Variants in TJP1 observed in about 807,000 individuals in gnomAD.
The protein encoded by TJP1 is tight junction protein 1.
TJP1 carries 43 observed loss-of-function variants against 194.2 expected under a neutral mutation model. That is an observed-to-expected ratio of 0.22 (90% CI 0.17 to 0.29). TJP1 has a LOEUF of 0.29. Among genes scored for constraint, TJP1 ranks in the 10% least tolerant of loss-of-function variants. The probability of loss-of-function intolerance (pLI) is 1.00; values close to 1 mark genes in which losing one functional copy is unlikely to be tolerated. For synonymous variants in TJP1, 801 were observed against 779.0 expected (o/e 1.03, Z -0.47); for missense variants, 1,971 against 2,185.7 (o/e 0.90, Z 1.96).
intron 2 of TJP1, among the ~76,000 whole-genome samples, chr15:29,943,778 G>A (rs929631078): frequency 2.9e-5 from 4 of 139,614 alleles, no homozygotes; most frequent in South Asian, 2.5e-4. Context: ...GTGAAACCCC[G>A]TCTCTACTAA....
chr15:29,833,873 A>ATTTT (rs2050918855), intron 2 of TJP1, among the ~76,000 whole-genome samples: 5 of 18,134 alleles, frequency 2.8e-4, no homozygotes, highest in Non-Finnish European at 4.4e-4. Context: ...ATATATATAT[A>ATTTT]TATATATATT....
chr15:29,817,510 C>G (rs1162678905), intron 1 of TJP1, among the ~76,000 whole-genome samples: 4 of 152,134 alleles, frequency 2.6e-5, no homozygotes, highest in Non-Finnish European at 5.9e-5. Flanking sequence ...ATAAATCATT[C>G]TCCTATAAAG....
intron 18 of TJP1, among the ~76,000 whole-genome samples, chr15:29,722,804 A>C (rs2043014722): frequency 6.6e-6 from 1 of 152,238 alleles, no homozygotes; most frequent in Non-Finnish European, 1.5e-5. Flanking sequence ...ACAGGGGCAG[A>C]GCTGTCCAAG....
intron 25 of TJP1, among the ~76,000 whole-genome samples, chr15:29,708,265 C>A (rs890341134): frequency 2.0e-5 from 3 of 151,756 alleles, no homozygotes; most frequent in Admixed American, 6.6e-5. Context: ...AGGCTCACCT[C>A]ACTCTAGCTG....
At chr15:29,876,628 T>C (rs1410655981) in intron 2 of TJP1, among the ~76,000 whole-genome samples, 2 of 152,228 alleles carry the variant, frequency 1.3e-5, no homozygotes, top group Non-Finnish European at 2.9e-5. Flanking sequence ...CAATGTGGCC[T>C]AGGGAAGTCA....
chr15:29,912,607 G>T (rs997487179), intron 2 of TJP1, among the ~76,000 whole-genome samples: 3 of 146,120 alleles, frequency 2.1e-5, no homozygotes, highest in Non-Finnish European at 4.5e-5. Flanking sequence ...TCAGGAGGCT[G>T]AGGCAGAAGT....
intron 1 of TJP1, among the ~76,000 whole-genome samples, chr15:29,819,788 C>T (rs1489065386): frequency 6.6e-6 from 1 of 152,174 alleles, no homozygotes; most frequent in East Asian, 1.9e-4. Flanking sequence ...TTATGTCCTT[C>T]ATTAAGATTC....
In TJP1 at chr15:29,829,728, C is replaced by A. The variant is rs540939108; in HGVS notation, c.307-29026G>T. 1.1e-4 allele frequency among the ~76,000 whole-genome samples: 17 copies of A among 151,316 alleles called. No individual in the cohort carries two copies. The East Asian group carries it at 3.3e-3, about 29-fold the overall frequency. ...TTTTACAATGTGTGTGTTATAAAAC[C>A]TTTATAATAAGTCTTTCAAAACAAA... On this transcript the variant is annotated intron_variant, in intron 2 of 28. Transcript: ENST00000356107.
At chr15:29,773,657 G>T (rs2151649176) in intron 2 of TJP1, among the ~76,000 whole-genome samples, 1 of 152,250 alleles carries the variant, frequency 6.6e-6, no homozygotes, top group East Asian at 1.9e-4. Flanking sequence ...ATCAGAAGAG[G>T]TCCTGAGGAG....
intron 1 of TJP1, among the ~76,000 whole-genome samples, chr15:29,806,767 T>G (rs1335328471): frequency 6.6e-6 from 1 of 152,176 alleles, no homozygotes; most frequent in Non-Finnish European, 1.5e-5. Context: ...TTGTGATCAC[T>G]GCAACACAAA....
intron 22 of TJP1, among the ~76,000 whole-genome samples, chr15:29,717,786 A>G (rs2042657366): frequency 6.6e-6 from 1 of 152,212 alleles, no homozygotes; most frequent in African/African-American, 2.4e-5. Context: ...TGCTTGGAGA[A>G]TATCTTTCCG....
intron 2 of TJP1, among the ~76,000 whole-genome samples, chr15:29,776,097 C>A (rs757706415): frequency 2.0e-5 from 3 of 152,048 alleles, no homozygotes; most frequent in Non-Finnish European, 2.9e-5. Context: ...TGACTAACCC[C>A]CCAATATTAC....
chr15:29,820,860 C>T (rs1486568620), intron 1 of TJP1, among the ~76,000 whole-genome samples: 7 of 152,172 alleles, frequency 4.6e-5, no homozygotes, highest in Non-Finnish European at 1.0e-4. Flanking sequence ...TTAAAACAAT[C>T]TATTCATTAA....
chr15:29,725,038 G>T (rs964390683), intron 18 of TJP1, among the ~76,000 whole-genome samples: 13 of 152,130 alleles, frequency 8.5e-5, no homozygotes, highest in African/African-American at 2.9e-4. Flanking sequence ...TATTAACATT[G>T]GACCTGCCAA....
chr15:29,721,615 C>G (rs751282242), intron 18 of TJP1, among the ~76,000 whole-genome samples: 1 of 152,082 alleles, frequency 6.6e-6, no homozygotes, highest in African/African-American at 2.4e-5. Flanking sequence ...AAAAAGATAC[C>G]TGAAAATGTG....
At chr15:29,713,703 G>A (rs1319434585) in intron 23 of TJP1, among the ~76,000 whole-genome samples, 2 of 152,164 alleles carry the variant, frequency 1.3e-5, no homozygotes, top group African/African-American at 4.8e-5. Flanking sequence ...AGCATTACAA[G>A]GGAAACTTAC....
chr15:29,725,355 G>A, intron 18 of TJP1, among the ~76,000 whole-genome samples: 1 of 152,168 alleles, frequency 6.6e-6, no homozygotes, highest in Non-Finnish European at 1.5e-5. Flanking sequence ...GGCTGTGTAT[G>A]TCTGGGTAGA....
At chr15:29,764,034 T>C (rs2046178104) in intron 5 of TJP1, among the ~76,000 whole-genome samples, 1 of 152,208 alleles carries the variant, frequency 6.6e-6, no homozygotes, top group African/African-American at 2.4e-5. Flanking sequence ...TGTTCGTTCA[T>C]TCTAAATATT....
At chr15:29,760,218 T>C (rs2045913473) in intron 8 of TJP1, 1 of 702,146 alleles carries the variant, frequency 1.4e-6, no homozygotes, top group African/African-American at 1.7e-5. Flanking sequence ...CTCCAGAAAT[T>C]GTATGCAATT....
Sources: gnomAD v4.1 joint callset for allele counts (sites outside exome capture counted in the v4.1 genomes callset) on GRCh38, gnomAD v4.1.1 for gene constraint, MANE v1.5 for transcripts, NCBI Gene and HGNC (gene_info 2026-07-23, HGNC 2026-07-21) for gene names.